MTCL2: variants seen among roughly 807,000 people sequenced by gnomAD.
The protein encoded by MTCL2 is microtubule crosslinking factor 2, also known as microtubule cross-linking factor 2.
chr20:36,841,332 A>C, the MTCL2 span, among the ~76,000 whole-genome samples: 847 of 152,042 alleles, frequency 5.6e-3, 9 homozygotes, highest in African/African-American at 0.02. Flanking sequence ...AAGAAAAAAA[A>C]ACAAAAACAA....
At chr20:36,859,783 A>G in the MTCL2 span, 4 of 1,231,770 alleles carry the variant, frequency 3.2e-6, no homozygotes, top group Non-Finnish European at 4.0e-6. Context: ...CTGCTCCTGC[A>G]GGGGACATAC....
chr20:36,794,363 C>T, the MTCL2 span: 15 of 1,608,214 alleles, frequency 9.3e-6, no homozygotes, highest in East Asian at 1.1e-4. The surrounding 1 kb of genome is among the most constrained non-coding windows in gnomAD (Gnocchi z 5.4). Flanking sequence ...CGTGTAGCTG[C>T]GCTGCATCTG....
chr20:36,796,690 G>A, the MTCL2 span, among the ~76,000 whole-genome samples: 1 of 152,144 alleles, frequency 6.6e-6, no homozygotes, highest in African/African-American at 2.4e-5. Context: ...AGTGGCTCGG[G>A]TTCCAGAGAA....
At chr20:36,784,076 C>T in the MTCL2 span, 1 of 985,436 alleles carries the variant, frequency 1.0e-6, no homozygotes, top group African/African-American at 1.7e-5. Flanking sequence ...GTCCGTAGGT[C>T]TTGGGGCTCA....
chr20:36,790,378 T>C, the MTCL2 span, among the ~76,000 whole-genome samples: 2 of 151,078 alleles, frequency 1.3e-5, no homozygotes, highest in Non-Finnish European at 2.9e-5. Context: ...TCCACCTCTC[T>C]CGGCCTCCCA....
the MTCL2 span, among the ~76,000 whole-genome samples, chr20:36,852,667 G>A: frequency 6.6e-6 from 1 of 152,118 alleles, no homozygotes; most frequent in African/African-American, 2.4e-5. Flanking sequence ...TGAGTGGGAG[G>A]GGGGACTCTG....
At chr20:36,842,968 T>A in the MTCL2 span, among the ~76,000 whole-genome samples, 3 of 152,110 alleles carry the variant, frequency 2.0e-5, no homozygotes, top group East Asian at 5.8e-4. Context: ...CTACCCGTCT[T>A]TCCCCAAAGA....
At chr20:36,836,698 C>T in the MTCL2 span, among the ~76,000 whole-genome samples, 1 of 152,036 alleles carries the variant, frequency 6.6e-6, no homozygotes, top group Non-Finnish European at 1.5e-5. Context: ...TGTTGCCCAG[C>T]CTGATTTCCA....
the MTCL2 span, among the ~76,000 whole-genome samples, chr20:36,810,753 T>TCTCTCTCTCTCTCTCTCTCTCTCTC: frequency 5.5e-5 from 8 of 146,632 alleles, no homozygotes; most frequent in Admixed American, 6.8e-5. Flanking sequence ...TCTCTCTCTC[T>TCTCTCTCTCTCTCTCTCTCTCTCTC]TTCAACGGAG....
chr20:36,819,224 C>T, the MTCL2 span, among the ~76,000 whole-genome samples: 1 of 152,006 alleles, frequency 6.6e-6, no homozygotes, highest in East Asian at 1.9e-4. Flanking sequence ...GCGCTTCCTC[C>T]CAAGAGAGGA....
chr20:36,808,427 G>A, the MTCL2 span: 12 of 1,102,444 alleles, frequency 1.1e-5, no homozygotes, highest in Non-Finnish European at 1.5e-5. Context: ...GAGCCTAGGA[G>A]TTGTGTCAAT....
the MTCL2 span, among the ~76,000 whole-genome samples, chr20:36,788,794 T>C: frequency 6.7e-6 from 1 of 149,828 alleles, no homozygotes; most frequent in Non-Finnish European, 1.5e-5. Context: ...TTTTTTCTTT[T>C]TCTTTTCTTT....
chr20:36,790,055 G>A, the MTCL2 span, among the ~76,000 whole-genome samples: 8 of 149,062 alleles, frequency 5.4e-5, no homozygotes, highest in Non-Finnish European at 1.2e-4. Flanking sequence ...GCAGTGGCGC[G>A]ATCTCGGCTC....
chr20:36,846,504 A>G, the MTCL2 span, among the ~76,000 whole-genome samples: 1 of 152,178 alleles, frequency 6.6e-6, no homozygotes, highest in Admixed American at 6.5e-5. Flanking sequence ...CCCTTTCTAG[A>G]GAATGCTTTT....
the MTCL2 span, chr20:36,779,816 T>C: frequency 3.3e-5 from 5 of 152,064 alleles, no homozygotes; most frequent in African/African-American, 1.2e-4. Context: ...AAGAACATCC[T>C]GGGAGGACTG....
chr20:36,794,873 A>T, the MTCL2 span: 3 of 486,762 alleles, frequency 6.2e-6, no homozygotes, highest in East Asian at 4.0e-5. This position sits in a 1 kb window ranked among gnomAD's most constrained non-coding sequence, Gnocchi z 5.4. Flanking sequence ...GGCTCAAGTG[A>T]TCCTCCCATT....
the MTCL2 span, among the ~76,000 whole-genome samples, chr20:36,825,446 T>C: frequency 6.6e-6 from 1 of 152,210 alleles, no homozygotes; most frequent in Non-Finnish European, 1.5e-5. Flanking sequence ...ACAGCAGCTA[T>C]ACCATAATAA....
chr20:36,824,126 T>C, the MTCL2 span, among the ~76,000 whole-genome samples: 1 of 152,146 alleles, frequency 6.6e-6, no homozygotes, highest in South Asian at 2.1e-4. Context: ...TGTGGAGTCC[T>C]GGGTTTGAAT....
At chr20:36,833,660 G>A in the MTCL2 span, among the ~76,000 whole-genome samples, 3 of 151,936 alleles carry the variant, frequency 2.0e-5, no homozygotes, top group Non-Finnish European at 4.4e-5. Flanking sequence ...ACCAGCCTGA[G>A]CAAAATAGGG....
Sources: gnomAD v4.1 joint callset for allele counts (sites outside exome capture counted in the v4.1 genomes callset) on GRCh38, gnomAD v4.1.1 for gene constraint, Gnocchi (gnomAD v3.1) non-coding constraint, MANE v1.5 for transcripts, NCBI Gene and HGNC (gene_info 2026-07-23, HGNC 2026-07-21) for gene names.